Variants in C5 observed in about 807,000 individuals in gnomAD.
C5 encodes C3 and PZP-like alpha-2-macroglobulin domain-containing protein 4.
In C5, 140 loss-of-function variants were observed where a neutral mutation model predicts 218.8. That is an observed-to-expected ratio of 0.64 (90% CI 0.56 to 0.74). The LOEUF is 0.74. Ranked by LOEUF, C5 falls within the 30% of genes least tolerant of loss-of-function variation. The pLI, the probability that C5 is intolerant of heterozygous loss-of-function variation, is 0.00. For missense variants in C5, 1,700 were observed against 1,969.6 expected (o/e 0.86, Z 2.59); for synonymous variants, 614 against 682.3 (o/e 0.90, Z 1.56).
chr9:120,970,695 A>C (rs901117142), intron 31 of C5, among the ~76,000 whole-genome samples: 1 of 152,226 alleles, frequency 6.6e-6, no homozygotes, highest in Non-Finnish European at 1.5e-5. Flanking sequence ...AGATATATTG[A>C]CACCAACCAG....
In C5 at chr9:121,046,164, T is replaced by A. The variant is rs763067797; in HGVS notation, c.258+27A>T. The A allele has an allele frequency of 6.0e-6, 7 of 1,165,554 alleles. No homozygotes were observed. The East Asian group carries it at 1.5e-4, about 24-fold the overall frequency. 72.2% of individuals were successfully genotyped at this position (1,165,554 alleles called of 1,614,324 possible). ...ATTGAGAATATTCTGTATATATATA[T>A]AAAGAAAATAAAGGATAAATACATA... On this transcript the variant is annotated intron_variant, in intron 2 of 40. Transcript: ENST00000223642.
chr9:120,999,161 A>T lies in C5; in HGVS notation c.2563-1387T>A, dbSNP rs571924355. On this transcript the variant is annotated intron_variant, in intron 20 of 40. Transcript: ENST00000223642. ...AACTTTTGAAACTGATAGAAAATAT[A>T]AAAAAAAAAGTGGTTCTGGTTTCAG... is the stretch of plus-strand genomic sequence containing the variant. 9.4e-5 allele frequency among the ~76,000 whole-genome samples: 14 copies of T among 148,688 alleles called. No individual in the cohort carries two copies. The East Asian group carries it at 1.8e-3, about 19-fold the overall frequency.
intron 39 of C5, 103 bp from the exon 40 acceptor site, chr9:120,953,971 T>C: frequency 8.4e-7 from 1 of 1,183,780 alleles, no homozygotes; most frequent in Non-Finnish European, 1.3e-6. Flanking sequence ...GAGAGGTTCA[T>C]GGCTAGTGGA....
rs751260919 is a variant in C5 at position 120,989,692 on chromosome 9, C to T, written c.3030G>A (p.Ala1010=). The T allele has an allele frequency of 1.4e-5, 22 of 1,613,886 alleles. No individual in the cohort carries two copies. Among genetic ancestry groups the T allele is most frequent in the East Asian group, 4.5e-5 (2 of 44,860 alleles). ...ATACTGGGACAACGCTCATCAGCTC[C>T]GCCTCTGCACTCCCTTTGGGGAGGT... is the stretch of plus-strand genomic sequence containing the variant. The part of the protein sequence containing the change: ...LTHLPKGSAE[A]ELMSVVPVFY... The change falls in exon 24 of 41, where the codon GCG becomes GCA. Residue 1010 remains alanine, a synonymous_variant. Transcript: ENST00000223642.
At chr9:121,061,864 G>A in the C5 span, among the ~76,000 whole-genome samples, 1 of 152,092 alleles carries the variant, frequency 6.6e-6, no homozygotes, top group Non-Finnish European at 1.5e-5. Flanking sequence ...TTTGATATGT[G>A]TATGTTCTAC....
At chr9:121,010,414 A>T (rs2131746545) in intron 17 of C5, among the ~76,000 whole-genome samples, 1 of 152,340 alleles carries the variant, frequency 6.6e-6, no homozygotes, top group East Asian at 1.9e-4. Flanking sequence ...AATACCTAGG[A>T]ATTAAATTAA....
At chr9:121,031,572 T>C (rs2047474700) in intron 6 of C5, among the ~76,000 whole-genome samples, 1 of 152,134 alleles carries the variant, frequency 6.6e-6, no homozygotes, top group Non-Finnish European at 1.5e-5. Flanking sequence ...GGAACACAAG[T>C]ACACAGAGGT....
chr9:120,962,696 G>T lies in C5; in HGVS notation c.4479C>A (p.Phe1493Leu), dbSNP rs747665589. The T allele has an allele frequency of 6.2e-7, 1 of 1,613,364 alleles. No individual in the cohort carries two copies. Among genetic ancestry groups the T allele is most frequent in the South Asian group, 1.1e-5 (1 of 91,070 alleles). Residue 1493 changes from phenylalanine (F) to leucine (L), a missense_variant, in exon 36 of 41, where the codon TTC becomes TTA. By Grantham distance (22) the Phe-to-Leu change is conservative. Coordinates refer to ENST00000223642, the MANE Select transcript of C5 (RefSeq NM_001735.3). ...CTGGTCTGTGGTATTCGTACACTGT[G>T]AAAGTGGCAGGACTGAGAAACCCAA... ...FEVGFLSPATFTVYEYHRPDK... is the reference protein window; with the variant it reads ...FEVGFLSPATLTVYEYHRPDK...
chr9:121,003,554 C>T (rs1331114105), intron 20 of C5, among the ~76,000 whole-genome samples: 1 of 152,054 alleles, frequency 6.6e-6, no homozygotes, highest in East Asian at 1.9e-4. Flanking sequence ...GTCTGATTTT[C>T]GCTGATCATT....
intron 22 of C5, 136 bp downstream of exon 22, chr9:120,996,104 C>T (rs1380430746): frequency 1.3e-6 from 1 of 764,102 alleles, no homozygotes. Context: ...CAGGCATGAG[C>T]CACTGTGCCT....
In C5 at chr9:121,017,783, T is replaced by C; in HGVS notation, c.1576A>G (p.Ile526Val). The change falls in exon 13 of 41, where the codon ATA becomes GTA. Residue 526 changes from isoleucine (I) to valine (V), a missense_variant. Coordinates refer to ENST00000223642, the MANE Select transcript of C5 (RefSeq NM_001735.3). ...ATGTTCTGTGTTACTGGAATGTTTA[T>C]ACTTTGATAAGATGCATCTGAAAAT... ...EKFSDASYQS[I>V]NIPVTQNMVP... 1.2e-6 allele frequency: 2 copies of C among 1,613,890 alleles called. No homozygotes were observed. The highest frequency in any genetic ancestry group is 1.7e-6 in the Non-Finnish European group (2 of 1,179,824).
intron 17 of C5, among the ~76,000 whole-genome samples, chr9:121,011,810 C>A (rs989867980): frequency 6.6e-6 from 1 of 152,126 alleles, no homozygotes; most frequent in Non-Finnish European, 1.5e-5. Flanking sequence ...AGAATGAGAT[C>A]CTGTCATTTG....
the C5 span, among the ~76,000 whole-genome samples, chr9:121,064,016 G>A: frequency 6.6e-6 from 1 of 152,132 alleles, no homozygotes; most frequent in African/African-American, 2.4e-5. Context: ...TTATATCACT[G>A]CTTCTCATGA....
intron 20 of C5, among the ~76,000 whole-genome samples, chr9:121,002,331 T>TATATATATAC (rs1564146807): frequency 8.6e-6 from 1 of 116,668 alleles, no homozygotes; most frequent in Non-Finnish European, 1.8e-5. Flanking sequence ...TATATATATA[T>TATATATATAC]ATATATATAT....
At chr9:121,007,446 T>TA (rs2047225021) in intron 18 of C5, among the ~76,000 whole-genome samples, 1 of 152,242 alleles carries the variant, frequency 6.6e-6, no homozygotes, top group Non-Finnish European at 1.5e-5. Context: ...ACTGATAAGA[T>TA]ACAGTCCTGC....
rs375197790 is a variant in C5, at chr9:121,011,674, C to T, written c.2257+2199G>A. Among the ~76,000 whole-genome samples the T allele has an allele frequency of 1.7e-4, 26 of 152,282 alleles. No individual in the cohort carries two copies. In the South Asian group the frequency reaches 2.5e-3, roughly 15 times the overall value. ...AGTACATCGAAGAGATATCTGCACG[C>T]CCATGTTTGTTGCTGCACTGTTAAA... is the stretch of plus-strand genomic sequence containing the variant. On this transcript the variant is annotated intron_variant, in intron 17 of 40. Coordinates refer to ENST00000223642, the MANE Select transcript of C5 (RefSeq NM_001735.3).
chr9:120,982,302 A>C (rs999024251), intron 26 of C5, among the ~76,000 whole-genome samples: 1 of 151,292 alleles, frequency 6.6e-6, no homozygotes, highest in African/African-American at 2.4e-5. Context: ...GAGCCACCGC[A>C]CCTGGCCTCT....
At chr9:121,064,396 T>C in the C5 span, among the ~76,000 whole-genome samples, 1 of 152,196 alleles carries the variant, frequency 6.6e-6, no homozygotes. Flanking sequence ...TTGAGTGTTT[T>C]GTTAACTTTC....
At chr9:121,029,283 C>T (rs1312727893) in intron 7 of C5, among the ~76,000 whole-genome samples, 1 of 152,112 alleles carries the variant, frequency 6.6e-6, no homozygotes, top group African/African-American at 2.4e-5. Context: ...GTAATAAACA[C>T]TCTATTTTTC....
Sources: allele counts gnomAD v4.1 joint callset (sites outside exome capture counted in the v4.1 genomes callset), GRCh38; gene constraint gnomAD v4.1.1; transcripts MANE v1.5; gene names NCBI Gene and HGNC (gene_info 2026-07-23, HGNC 2026-07-21).